The following TUSC3 variants were observed in gnomAD, a reference collection of about 807,000 sequenced individuals.
TUSC3 encodes the protein dolichyl-diphosphooligosaccharide--protein glycosyltransferase subunit TUSC3.
TUSC3 carries 45 observed loss-of-function variants against 44.8 expected under a neutral mutation model. The observed-to-expected ratio is 1.00, with a 90% CI of 0.79 to 1.29. TUSC3 has a LOEUF of 1.29. TUSC3 is among the 50% of genes most tolerant of loss of function. TUSC3 has a pLI of 0.00. For missense variants in TUSC3, 519 were observed against 437.9 expected (o/e 1.19, Z -1.65); for synonymous variants, 212 against 152.9 (o/e 1.39, Z -2.85).
At chr8:15,712,547 C>T (rs1809899565) in intron 6 of TUSC3, among the ~76,000 whole-genome samples, 1 of 151,854 alleles carries the variant, frequency 6.6e-6, no homozygotes, top group Admixed American at 6.6e-5. Flanking sequence ...TTTCCATCAC[C>T]CCTTTTAAAA....
At chr8:15,762,890 G>A (rs1302142393) in intron 10 of TUSC3, among the ~76,000 whole-genome samples, 1 of 63,698 alleles carries the variant, frequency 1.6e-5, no homozygotes, top group Non-Finnish European at 3.1e-5. Flanking sequence ...CCCTGACAAG[G>A]TTTACTGCTG....
chr8:15,778,025 G>C, the TUSC3 span, among the ~76,000 whole-genome samples: 1 of 150,600 alleles, frequency 6.6e-6, no homozygotes, highest in Admixed American at 6.6e-5. Context: ...ACCAATCCTA[G>C]TAGGATTGTG....
intron 2 of TUSC3, among the ~76,000 whole-genome samples, chr8:15,529,201 A>G (rs1383876199): frequency 1.3e-5 from 2 of 152,236 alleles, no homozygotes; most frequent in African/African-American, 4.8e-5. Flanking sequence ...GTTCAGTACC[A>G]TAATTCCATT....
intron 2 of TUSC3, among the ~76,000 whole-genome samples, chr8:15,629,679 T>C: frequency 6.6e-6 from 1 of 151,650 alleles, no homozygotes; most frequent in East Asian, 1.9e-4. Context: ...AAGTTCATAG[T>C]TAGAATTTAA....
the TUSC3 span, among the ~76,000 whole-genome samples, chr8:15,803,774 C>G: frequency 6.6e-6 from 1 of 152,066 alleles, no homozygotes; most frequent in Non-Finnish European, 1.5e-5. Flanking sequence ...TGTTCAACTC[C>G]TGCTTATGAG....
chr8:15,494,149 C>T (rs569219373), intron 2 of TUSC3, among the ~76,000 whole-genome samples: 2 of 152,158 alleles, frequency 1.3e-5, no homozygotes, highest in African/African-American at 4.8e-5. Flanking sequence ...TTGGCTGTTT[C>T]GAGTTGTCTT....
At chr8:15,525,766 G>C (rs2129130162) in intron 2 of TUSC3, among the ~76,000 whole-genome samples, 1 of 152,232 alleles carries the variant, frequency 6.6e-6, no homozygotes, top group Middle Eastern at 3.4e-3. Flanking sequence ...ATGTAGAATG[G>C]AAATGACCTC....
At chr8:15,698,126 T>C (rs1809248035) in intron 6 of TUSC3, among the ~76,000 whole-genome samples, 1 of 152,174 alleles carries the variant, frequency 6.6e-6, no homozygotes, top group African/African-American at 2.4e-5. Context: ...TAAAAAATAC[T>C]ATTGAAGTTT....
chr8:15,556,920 G>C (rs1802290228), intron 1 of TUSC3, among the ~76,000 whole-genome samples: 1 of 149,206 alleles, frequency 6.7e-6, no homozygotes, highest in African/African-American at 2.4e-5. Flanking sequence ...TGTCAGATGA[G>C]TAGGTTGTGA....
At chr8:15,581,299 A>C (rs1803319003) in intron 1 of TUSC3, among the ~76,000 whole-genome samples, 1 of 147,944 alleles carries the variant, frequency 6.8e-6, no homozygotes, top group Admixed American at 6.7e-5. Flanking sequence ...TGATCGTCTG[A>C]AGCCTTCTTC....
chr8:15,761,728 C>A (rs904322469), intron 10 of TUSC3, among the ~76,000 whole-genome samples: 2 of 151,988 alleles, frequency 1.3e-5, no homozygotes, highest in African/African-American at 4.8e-5. Context: ...AAGCAGACCG[C>A]AAAAGTGAAA....
chr8:15,527,600 T>C (rs1157747682), intron 2 of TUSC3, among the ~76,000 whole-genome samples: 1 of 152,210 alleles, frequency 6.6e-6, no homozygotes, highest in Non-Finnish European at 1.5e-5. Context: ...AGCTATGGTC[T>C]TACTGTGTTG....
chr8:15,550,770 C>G (rs576424590), intron 1 of TUSC3, among the ~76,000 whole-genome samples: 2 of 151,692 alleles, frequency 1.3e-5, no homozygotes, highest in South Asian at 4.2e-4. Flanking sequence ...CTCCCGGGTT[C>G]AAGTGATTCT....
chr8:15,461,165 G>A (rs187173393), intron 1 of TUSC3, among the ~76,000 whole-genome samples: 4 of 152,240 alleles, frequency 2.6e-5, no homozygotes, highest in African/African-American at 4.8e-5. Context: ...CGTGAGCATG[G>A]GATGTGTTTC....
At chr8:15,793,732 A>G in the TUSC3 span, among the ~76,000 whole-genome samples, 1 of 152,146 alleles carries the variant, frequency 6.6e-6, no homozygotes, top group Admixed American at 6.5e-5. Flanking sequence ...GGGTTTTATT[A>G]TTGTTTTATC....
At chr8:15,787,983 A>C in the TUSC3 span, among the ~76,000 whole-genome samples, 1 of 152,170 alleles carries the variant, frequency 6.6e-6, no homozygotes, top group Non-Finnish European at 1.5e-5. Context: ...CTTATTTATA[A>C]AGGATAATTC....
chr8:15,628,357 G>T (rs553387522), intron 2 of TUSC3, among the ~76,000 whole-genome samples: 1 of 152,028 alleles, frequency 6.6e-6, no homozygotes, highest in South Asian at 2.1e-4. Context: ...ATGCATTTTG[G>T]TGTTAAATCA....
At chr8:15,638,221 A>T (rs1433975095) in intron 2 of TUSC3, among the ~76,000 whole-genome samples, 1 of 150,456 alleles carries the variant, frequency 6.6e-6, no homozygotes, top group Non-Finnish European at 1.5e-5. Context: ...TTCCCTGTAC[A>T]GTCTCCACCT....
At chr8:15,601,408 C>T (rs11998491) in intron 1 of TUSC3, among the ~76,000 whole-genome samples, 4,846 of 151,628 alleles carry the variant, frequency 0.032, 107 homozygotes, top group African/African-American at 0.061. Flanking sequence ...AGGGAGAGAT[C>T]CAGGCACACT....
Sources: gnomAD v4.1 joint callset for allele counts (sites outside exome capture counted in the v4.1 genomes callset) on GRCh38, gnomAD v4.1.1 for gene constraint, MANE v1.5 for transcripts, NCBI Gene and HGNC (gene_info 2026-07-23, HGNC 2026-07-21) for gene names.